The following MBD5 variants were observed in gnomAD, a reference collection of about 807,000 sequenced individuals.
MBD5 encodes methyl-CpG binding domain protein 5.
Under a neutral mutation model 117.3 loss-of-function variants are expected in MBD5, and 13 were observed. The ratio of observed to expected loss-of-function variants is 0.11; its 90% CI spans 0.07 to 0.18. MBD5 has a LOEUF of 0.18. Among genes scored for constraint, MBD5 ranks in the 10% least tolerant of loss-of-function variants. The pLI is 1.00. For missense variants in MBD5, 1,879 were observed against 2,093.8 expected, an observed-to-expected ratio of 0.90 and a Z score of 2.00; for synonymous variants, 727 against 766.4, an observed-to-expected ratio of 0.95 and a Z score of 0.85.
chr2:148,027,294 C>G (rs1460658650), intron 1 of MBD5: 1 of 152,010 alleles, frequency 6.6e-6, no homozygotes, highest in Non-Finnish European at 1.5e-5. Context: ...GTTGGGTTCT[C>G]TAGGTGCCTA....
chr2:148,100,808 A>T (rs1326308329), intron 1 of MBD5, among the ~76,000 whole-genome samples: 1 of 152,180 alleles, frequency 6.6e-6, no homozygotes, highest in African/African-American at 2.4e-5. Context: ...TGGTTGGAGC[A>T]GTCTTAAGCC....
intron 4 of MBD5, among the ~76,000 whole-genome samples, chr2:148,390,499 A>G (rs922803556): frequency 6.7e-6 from 1 of 148,670 alleles, no homozygotes; most frequent in African/African-American, 2.5e-5. Flanking sequence ...ATGTGTATAT[A>G]TGTGTGTGTA....
At chr2:148,388,862 G>A (rs143055069) in intron 4 of MBD5, among the ~76,000 whole-genome samples, 39 of 151,890 alleles carry the variant, frequency 2.6e-4, no homozygotes, top group African/African-American at 9.2e-4. Context: ...ATAATTTCAG[G>A]GGATACATGT....
chr2:148,511,196 G>C (rs1483181677), intron 13 of MBD5, among the ~76,000 whole-genome samples: 2 of 152,200 alleles, frequency 1.3e-5, no homozygotes, highest in African/African-American at 4.8e-5. Flanking sequence ...TAAAAGAAAA[G>C]AGCGTGCTAA....
chr2:148,419,871 C>T (rs1705544774), intron 4 of MBD5, among the ~76,000 whole-genome samples: 1 of 152,080 alleles, frequency 6.6e-6, no homozygotes, highest in African/African-American at 2.4e-5. Flanking sequence ...TTTTCCCAAA[C>T]ATTTAAGATC....
intron 4 of MBD5, among the ~76,000 whole-genome samples, chr2:148,428,902 A>T (rs983076077): frequency 2.0e-5 from 3 of 152,194 alleles, no homozygotes; most frequent in African/African-American, 7.2e-5. Context: ...CTAGAAGAAA[A>T]CCTGGGCACT....
At chr2:148,130,373 T>C (rs1416573123) in intron 1 of MBD5, among the ~76,000 whole-genome samples, 1 of 152,166 alleles carries the variant, frequency 6.6e-6, no homozygotes, top group Non-Finnish European at 1.5e-5. Context: ...TTTTATGGAA[T>C]GGTACAGCAA....
At chr2:148,030,657 G>A (rs1337725690) in intron 1 of MBD5, among the ~76,000 whole-genome samples, 3 of 152,114 alleles carry the variant, frequency 2.0e-5, no homozygotes, top group East Asian at 1.9e-4. Flanking sequence ...GAAGGTTGAC[G>A]AATTCTTTTT....
chr2:148,247,795 G>T (rs576752726), intron 3 of MBD5, among the ~76,000 whole-genome samples: 109 of 151,900 alleles, frequency 7.2e-4, no homozygotes, highest in Middle Eastern at 3.4e-3. Context: ...AAGGATTAAA[G>T]ATATTCTAAA....
At chr2:148,477,587 A>T (rs932200840) in intron 8 of MBD5, among the ~76,000 whole-genome samples, 1 of 152,204 alleles carries the variant, frequency 6.6e-6, no homozygotes, top group Non-Finnish European at 1.5e-5. Flanking sequence ...GTTATCTTTC[A>T]ATTTATTATT....
intron 1 of MBD5, among the ~76,000 whole-genome samples, chr2:148,058,450 T>A (rs1446962799): frequency 6.6e-6 from 1 of 152,074 alleles, no homozygotes; most frequent in African/African-American, 2.4e-5. Flanking sequence ...AAGAAGGAAG[T>A]TTAGACCATG....
intron 1 of MBD5, among the ~76,000 whole-genome samples, chr2:148,148,966 T>G (rs1228952746): frequency 6.6e-6 from 1 of 152,198 alleles, no homozygotes; most frequent in Non-Finnish European, 1.5e-5. Context: ...TACTTTAAGT[T>G]TTACGGTACA....
At chr2:148,092,699 A>T (rs1209021614) in intron 1 of MBD5, among the ~76,000 whole-genome samples, 1 of 152,074 alleles carries the variant, frequency 6.6e-6, no homozygotes, top group South Asian at 2.1e-4. Context: ...AAGACTACAC[A>T]TTGGGTACAG....
rs527653016 is a variant in MBD5 at position 148,025,492 on chromosome 2, C to T, written c.-925+3808C>T. The T allele has an allele frequency of 5.3e-5, 8 of 150,186 alleles. No individual in the cohort carries two copies. The East Asian group carries it at 7.8e-4, about 15-fold the overall frequency. The allele number at this position is 150,186 out of a possible 1,614,324, so 9.3% of individuals were successfully genotyped here. A position where few individuals can be genotyped will look rare whatever the true frequency, so the allele number is the denominator to read the frequency against. Reference sequence around the variant, plus strand: ...CCTTTGCTGGATTTTTATTGCTAACCGTAATTCTTTTAAGATGACCAACAA... The same window carrying T: ...CCTTTGCTGGATTTTTATTGCTAACTGTAATTCTTTTAAGATGACCAACAA... On this transcript the variant is annotated intron_variant, in intron 1 of 13. Transcript: ENST00000642680.
At chr2:148,354,134 G>T (rs1033623896) in intron 4 of MBD5, among the ~76,000 whole-genome samples, 1 of 152,030 alleles carries the variant, frequency 6.6e-6, no homozygotes, top group Admixed American at 6.6e-5. Context: ...TGGAATACAT[G>T]TGCAGAACAT....
intron 3 of MBD5, among the ~76,000 whole-genome samples, chr2:148,310,626 T>C (rs371087370): frequency 1.1e-3 from 161 of 152,290 alleles, no homozygotes; most frequent in African/African-American, 3.7e-3. Context: ...TTTTGAAGTG[T>C]TTTTCGTGTC....
intron 4 of MBD5, among the ~76,000 whole-genome samples, chr2:148,353,626 G>T (rs1443741441): frequency 6.6e-6 from 1 of 152,014 alleles, no homozygotes; most frequent in East Asian, 1.9e-4. Flanking sequence ...TATCACCCAG[G>T]TTGGAGTATA....
chr2:148,383,573 A>G lies in MBD5; in HGVS notation c.-557+41237A>G, dbSNP rs190478257. ...TCCTTCTGAAACTATTCCAATAAAT[A>G]GAAAAAAAGGGAATCCTCCCTAACT... On this transcript the variant is annotated intron_variant, in intron 4 of 13. Transcript: ENST00000642680. Among the ~76,000 whole-genome samples the G allele has an allele frequency of 8.6e-4, 131 of 152,254 alleles. 2 individuals are homozygous for G. In the East Asian group the frequency reaches 0.025, roughly 29 times the overall value.
chr2:148,189,078 A>T (rs1286639637), intron 2 of MBD5, among the ~76,000 whole-genome samples: 1 of 142,590 alleles, frequency 7.0e-6, no homozygotes, highest in African/African-American at 2.7e-5. Context: ...CCACGAGACT[A>T]TATCCCACAC....
Sources: gnomAD v4.1 joint callset for allele counts (sites outside exome capture counted in the v4.1 genomes callset) on GRCh38, gnomAD v4.1.1 for gene constraint, MANE v1.5 for transcripts, NCBI Gene and HGNC (gene_info 2026-07-23, HGNC 2026-07-21) for gene names.